ADAMTS2: variants seen among roughly 807,000 people sequenced by gnomAD.
The protein encoded by ADAMTS2 is ADAM metallopeptidase with thrombospondin type 1 motif 2, also known as A disintegrin and metalloproteinase with thrombospondin motifs 2.
ADAMTS2 carries 50 observed loss-of-function variants against 123.0 expected under a neutral mutation model. The observed-to-expected ratio is 0.41, with a 90% CI of 0.32 to 0.51. The LOEUF (loss-of-function observed/expected upper bound fraction) is 0.51, where lower values mean the gene tolerates loss of function less well. Ranked by LOEUF, ADAMTS2 falls within the 20% of genes least tolerant of loss-of-function variation. The pLI, the probability that ADAMTS2 is intolerant of heterozygous loss-of-function variation, is 0.35. For synonymous variants in ADAMTS2, 678 were observed against 695.4 expected (o/e 0.98, Z 0.39); for missense variants, 1,494 against 1,705.2 (o/e 0.88, Z 2.18).
chr5:179,154,184 A>C lies in ADAMTS2; in HGVS notation c.1247T>G (p.Met416Arg). The C allele has an allele frequency of 1.3e-6, 2 of 1,558,184 alleles. No individual in the cohort carries two copies. Among genetic ancestry groups the C allele is most frequent in the Non-Finnish European group, 1.7e-6 (2 of 1,158,932 alleles). Residue 416 changes from methionine (M) to arginine (R), a missense_variant, in exon 8 of 22, where the codon ATG becomes AGG. By Grantham distance (91) the Met-to-Arg change is moderately conservative (BLOSUM62 -1). Coordinates refer to ENST00000251582, the MANE Select transcript of ADAMTS2 (RefSeq NM_014244.5). ...VAHETGHVLG[M>R]EHDGQGNRCG... Reference sequence around the variant, plus strand: ...GCGGTTGCCCTGCCCGTCGTGCTCCATGCCCAGCCTGCGAGGGCCGAGGCA... The same window carrying C: ...GCGGTTGCCCTGCCCGTCGTGCTCCCTGCCCAGCCTGCGAGGGCCGAGGCA...
intron 3 of ADAMTS2, among the ~76,000 whole-genome samples, chr5:179,259,520 G>A (rs559713393): frequency 7.2e-5 from 11 of 152,298 alleles, no homozygotes; most frequent in East Asian, 3.9e-4. Context: ...AGACAACCGC[G>A]CAGGGAACAG....
chr5:179,124,252 G>A (rs1437121934), intron 19 of ADAMTS2, among the ~76,000 whole-genome samples: 10 of 152,148 alleles, frequency 6.6e-5, no homozygotes, highest in East Asian at 1.9e-4. Flanking sequence ...CTCTGCCAGC[G>A]TGGGCCCTGC....
intron 2 of ADAMTS2, among the ~76,000 whole-genome samples, chr5:179,276,749 C>T (rs566823486): frequency 1.3e-5 from 2 of 152,166 alleles, no homozygotes; most frequent in South Asian, 2.1e-4. Context: ...CAGACTGGGC[C>T]GATTGAGCCA....
intron 2 of ADAMTS2, among the ~76,000 whole-genome samples, chr5:179,304,253 GA>G (rs1756610849): frequency 6.6e-6 from 1 of 152,118 alleles, no homozygotes; most frequent in African/African-American, 2.4e-5. Context: ...ATTTAAACAA[GA>G]TCCAAAGTCT....
intron 12 of ADAMTS2, among the ~76,000 whole-genome samples, chr5:179,136,982 A>T (rs565107856): frequency 8.5e-5 from 13 of 152,076 alleles, no homozygotes; most frequent in African/African-American, 3.1e-4. Context: ...AAAAAAAAAA[A>T]GTAAATAATC....
chr5:179,234,553 A>AC lies in ADAMTS2; in HGVS notation c.689-26839dup, dbSNP rs1209568449. Among the ~76,000 whole-genome samples the AC allele has an allele frequency of 1.9e-4, 29 of 149,562 alleles. No homozygotes were observed. The highest frequency in any genetic ancestry group is 1.9e-3 in the Admixed American group (29 of 15,102). The stretch of plus-strand genomic sequence containing the variant: ...CAGCCTGCACCTCCCCAGGCTCCAG[A>AC]CCCCGCCCCCTGCTGCCTGCAACTG... On this transcript the variant is annotated intron_variant, in intron 3 of 21. Transcript: ENST00000251582. The surrounding 1 kb of genome is among the most constrained non-coding windows in gnomAD (Gnocchi z 4.7).
intron 13 of ADAMTS2, among the ~76,000 whole-genome samples, chr5:179,135,070 G>GC (rs1763040324): frequency 6.4e-5 from 1 of 15,580 alleles, no homozygotes; most frequent in Admixed American, 9.5e-4. Flanking sequence ...CAGCTCCCGG[G>GC]TCCAGCTCCC....
intron 2 of ADAMTS2, among the ~76,000 whole-genome samples, chr5:179,313,206 T>G (rs1343877370): frequency 1.3e-5 from 2 of 151,618 alleles, no homozygotes; most frequent in Non-Finnish European, 2.9e-5. Context: ...GCATTCACAC[T>G]CATGCACACA....
chr5:179,345,336 G>C lies in ADAMTS2; in HGVS notation c.-8C>G. 8.8e-7 allele frequency: 1 copy of C among 1,131,172 alleles called. No homozygotes were observed. Among genetic ancestry groups the C allele is most frequent in the South Asian group, 4.3e-5 (1 of 23,484 alleles). 70.1% of individuals were successfully genotyped at this position (1,131,172 alleles called of 1,614,324 possible). On this transcript the variant is annotated 5_prime_UTR_variant, in exon 1 of 22. Coordinates refer to ENST00000251582, the MANE Select transcript of ADAMTS2 (RefSeq NM_014244.5). The surrounding 1 kb of genome is among the most constrained non-coding windows in gnomAD (Gnocchi z 7.5). Reference sequence around the variant, plus strand: ...TCCCGCCGGCGGATCCATGGCAGCCGGACTGCAGCCGGGGCCCCGCACTCG... The same window carrying C: ...TCCCGCCGGCGGATCCATGGCAGCCCGACTGCAGCCGGGGCCCCGCACTCG...
chr5:179,284,831 C>T (rs188590497), intron 2 of ADAMTS2, among the ~76,000 whole-genome samples: 7 of 152,304 alleles, frequency 4.6e-5, no homozygotes, highest in Admixed American at 1.3e-4. Context: ...CCGAAGAAGG[C>T]GGCAAGCCCA....
intron 3 of ADAMTS2, among the ~76,000 whole-genome samples, chr5:179,224,030 T>C (rs996440291): frequency 2.0e-5 from 3 of 152,198 alleles, no homozygotes; most frequent in Admixed American, 1.3e-4. Context: ...TCTGAGCAGG[T>C]GGAGACAGGA....
At chr5:179,165,575 C>G (rs1763682121) in intron 5 of ADAMTS2, among the ~76,000 whole-genome samples, 1 of 152,170 alleles carries the variant, frequency 6.6e-6, no homozygotes, top group Admixed American at 6.5e-5. Context: ...GGGGTGGCTG[C>G]AGGACCAGCC....
At chr5:179,232,141 C>A (rs536196498) in intron 3 of ADAMTS2, among the ~76,000 whole-genome samples, 15 of 152,300 alleles carry the variant, frequency 9.8e-5, no homozygotes, top group African/African-American at 3.6e-4. Flanking sequence ...TTATCCTGGA[C>A]TTTGGTGCCC....
intron 3 of ADAMTS2, among the ~76,000 whole-genome samples, chr5:179,252,168 T>C (rs1239110024): frequency 2.6e-5 from 4 of 151,916 alleles, no homozygotes. Context: ...CCACCACGTG[T>C]AGCTAATTTT....
At chr5:179,116,704 G>C (rs998678917) in intron 21 of ADAMTS2, among the ~76,000 whole-genome samples, 7 of 152,186 alleles carry the variant, frequency 4.6e-5, no homozygotes, top group African/African-American at 1.7e-4. Flanking sequence ...TTCAAAACAG[G>C]GAAATTTTGA....
At chr5:179,164,271 G>T (rs1052750429) in intron 5 of ADAMTS2, among the ~76,000 whole-genome samples, 3 of 152,246 alleles carry the variant, frequency 2.0e-5, no homozygotes, top group African/African-American at 7.2e-5. Context: ...GGGCTATGGG[G>T]TACCCATGAG....
intron 2 of ADAMTS2, among the ~76,000 whole-genome samples, chr5:179,301,585 C>T (rs907475918): frequency 6.6e-6 from 1 of 152,238 alleles, no homozygotes; most frequent in Non-Finnish European, 1.5e-5. Context: ...TGCCCTGTGG[C>T]GCCCAGATGC....
rs750951854 is a variant in ADAMTS2, at chr5:179,154,797, T to C, written c.1238+17A>G. The C allele has an allele frequency of 2.5e-6, 4 of 1,597,212 alleles. No homozygotes were observed. The highest frequency in any genetic ancestry group is 3.4e-6 in the Non-Finnish European group (4 of 1,171,188). ...AGGGTGGCCCCTCTGTGCCCCACCCTTCCCCAGGCCACTTACACGTGGCCA... is the reference window on the plus strand; with the variant it reads ...AGGGTGGCCCCTCTGTGCCCCACCCCTCCCCAGGCCACTTACACGTGGCCA... On this transcript the variant is annotated intron_variant, in intron 7 of 21. Coordinates refer to ENST00000251582, the MANE Select transcript of ADAMTS2 (RefSeq NM_014244.5).
chr5:179,294,340 G>A (rs573105439), intron 2 of ADAMTS2, among the ~76,000 whole-genome samples: 15 of 152,334 alleles, frequency 9.8e-5, no homozygotes, highest in Admixed American at 9.8e-4. Context: ...CCAGAAACAC[G>A]TCCAGCCAGC....
Sources: allele counts gnomAD v4.1 joint callset (sites outside exome capture counted in the v4.1 genomes callset), GRCh38; gene constraint gnomAD v4.1.1; non-coding constraint Gnocchi (gnomAD v3.1); transcripts MANE v1.5; gene names NCBI Gene and HGNC (gene_info 2026-07-23, HGNC 2026-07-21).